Variants in ZNF804B observed in about 807,000 individuals in gnomAD.
ZNF804B encodes zinc finger protein 804B.
ZNF804B carries 80 observed loss-of-function variants against 101.4 expected under a neutral mutation model. That is an observed-to-expected ratio of 0.79 (90% CI 0.66 to 0.95). The LOEUF is 0.95. Among genes scored for constraint, ZNF804B ranks in the 40% least tolerant of loss-of-function variants. ZNF804B has a pLI of 0.00. For missense variants in ZNF804B, 1,673 were observed against 1,561.9 expected (o/e 1.07, Z -1.20); for synonymous variants, 622 against 558.8 (o/e 1.11, Z -1.59).
intron 1 of ZNF804B, among the ~76,000 whole-genome samples, chr7:89,093,722 C>CCA (rs1789929293): frequency 6.6e-6 from 1 of 152,226 alleles, no homozygotes; most frequent in Non-Finnish European, 1.5e-5. Context: ...GTCCATGTGT[C>CCA]TGAAGGAACT....
intron 1 of ZNF804B, among the ~76,000 whole-genome samples, chr7:89,211,929 T>A (rs904595147): frequency 2.0e-5 from 3 of 152,158 alleles, no homozygotes. Flanking sequence ...GTAAATTACT[T>A]TGAGCAGTAT....
chr7:89,145,244 T>G (rs548263410), intron 1 of ZNF804B, among the ~76,000 whole-genome samples: 1 of 152,018 alleles, frequency 6.6e-6, no homozygotes, highest in Non-Finnish European at 1.5e-5. Context: ...TAAAAAATAT[T>G]GCCAATTAAC....
At chr7:88,955,100 A>T (rs899839944) in intron 1 of ZNF804B, among the ~76,000 whole-genome samples, 1 of 24,640 alleles carries the variant, frequency 4.1e-5, no homozygotes, top group Non-Finnish European at 1.1e-4. Flanking sequence ...TCTCTATTTA[A>T]AAAAAAAAAA....
intron 2 of ZNF804B, among the ~76,000 whole-genome samples, chr7:89,250,197 A>AT (rs1008525309): frequency 1.3e-5 from 2 of 151,950 alleles, no homozygotes; most frequent in African/African-American, 4.8e-5. Context: ...ATTAAAAAAA[A>AT]ATATAGGTAA....
At chr7:88,849,115 A>G (rs912156258) in intron 1 of ZNF804B, among the ~76,000 whole-genome samples, 2 of 152,088 alleles carry the variant, frequency 1.3e-5, no homozygotes, top group African/African-American at 4.8e-5. Flanking sequence ...GAAACGTGCT[A>G]TTACGTTTCC....
intron 2 of ZNF804B, among the ~76,000 whole-genome samples, chr7:89,316,019 G>T (rs958439279): frequency 8.5e-5 from 13 of 152,138 alleles, no homozygotes; most frequent in African/African-American, 3.1e-4. Flanking sequence ...GTGTGTGTCT[G>T]TGTATGCATG....
chr7:89,273,798 A>G (rs1471663849), intron 2 of ZNF804B, among the ~76,000 whole-genome samples: 4 of 152,136 alleles, frequency 2.6e-5, no homozygotes, highest in Admixed American at 1.3e-4. Context: ...CTCATTTCCT[A>G]GGCCATCAGC....
At chr7:89,027,313 CTA>C (rs1788766221) in intron 1 of ZNF804B, among the ~76,000 whole-genome samples, 1 of 152,018 alleles carries the variant, frequency 6.6e-6, no homozygotes, top group Non-Finnish European at 1.5e-5. Context: ...GTCCTTAAAG[CTA>C]GCTCTCTGAG....
chr7:89,080,810 G>A (rs1193182456), intron 1 of ZNF804B, among the ~76,000 whole-genome samples: 1 of 151,882 alleles, frequency 6.6e-6, no homozygotes, highest in African/African-American at 2.4e-5. Context: ...AGTTAAAGCA[G>A]GGTGTTTTGA....
rs1172564787 is a variant in ZNF804B at position 89,335,608 on chromosome 7, G to A, written c.2626G>A (p.Gly876Ser). The A allele has an allele frequency of 1.2e-6, 2 of 1,613,740 alleles. No individual in the cohort carries two copies. Among genetic ancestry groups the A allele is most frequent in the Non-Finnish European group, 1.7e-6 (2 of 1,179,940 alleles). The stretch of plus-strand genomic sequence containing the variant: ...AAGCAAGAGAAATCAAGAGTCTTTG[G>A]GCAGCCCTCACATTTGTGATCTGGG... ...NKSKRNQESLGSPHICDLGKV... is the reference protein window; with the variant it reads ...NKSKRNQESLSSPHICDLGKV... Residue 876 changes from glycine to serine, a missense_variant, in exon 4 of 4, where the codon GGC becomes AGC. By Grantham distance (56) the Gly-to-Ser change is moderately conservative (BLOSUM62 0). Transcript: ENST00000333190.
chr7:89,252,071 C>G (rs1000251929), intron 2 of ZNF804B, among the ~76,000 whole-genome samples: 1 of 151,670 alleles, frequency 6.6e-6, no homozygotes, highest in African/African-American at 2.4e-5. Context: ...CTATTTAACT[C>G]AAGAGCTTCT....
At chr7:89,085,230 C>T (rs751735700) in intron 1 of ZNF804B, among the ~76,000 whole-genome samples, 3 of 151,892 alleles carry the variant, frequency 2.0e-5, no homozygotes, top group Non-Finnish European at 4.4e-5. Flanking sequence ...AGATTTTCTA[C>T]TTTCTTCCCT....
rs1393967014 is a variant in ZNF804B at position 88,925,382 on chromosome 7, A to G, written c.108+165298A>G. Among the ~76,000 whole-genome samples the G allele has an allele frequency of 4.6e-5, 7 of 152,164 alleles. No individual in the cohort carries two copies. In the East Asian group the frequency reaches 1.2e-3, roughly 25 times the overall value. On this transcript the variant is annotated intron_variant, in intron 1 of 3. Coordinates refer to ENST00000333190, the MANE Select transcript of ZNF804B (RefSeq NM_181646.5). ...ACTTCAAAAAGTAACCATTTTGAAGATAAGATCTCTAAATAGGCGACTACA... is the reference window on the plus strand; with the variant it reads ...ACTTCAAAAAGTAACCATTTTGAAGGTAAGATCTCTAAATAGGCGACTACA...
chr7:89,085,806 G>C (rs1260542709), intron 1 of ZNF804B, among the ~76,000 whole-genome samples: 1 of 151,906 alleles, frequency 6.6e-6, no homozygotes, highest in Admixed American at 6.6e-5. Context: ...CATTTCATTA[G>C]AATGGCTTTA....
chr7:89,285,522 CAAAAA>C (rs778078214), intron 2 of ZNF804B, among the ~76,000 whole-genome samples: 9 of 22,392 alleles, frequency 4.0e-4, no homozygotes, highest in South Asian at 2.2e-3. Context: ...GACTCTGTCT[CAAAAA>C]AAAAAAAAAA....
intron 1 of ZNF804B, among the ~76,000 whole-genome samples, chr7:88,901,971 A>G (rs189752530): frequency 6.6e-6 from 1 of 152,042 alleles, no homozygotes; most frequent in Admixed American, 6.5e-5. Context: ...CTCTTATAAA[A>G]TGTGATTAGA....
At chr7:88,805,478 C>G (rs1790670257) in intron 1 of ZNF804B, among the ~76,000 whole-genome samples, 1 of 152,106 alleles carries the variant, frequency 6.6e-6, no homozygotes, top group Non-Finnish European at 1.5e-5. Flanking sequence ...ATTTAAAGCC[C>G]TTTGTCCATT....
intron 1 of ZNF804B, among the ~76,000 whole-genome samples, chr7:88,833,430 A>G (rs1395821674): frequency 6.6e-6 from 1 of 151,880 alleles, no homozygotes; most frequent in Non-Finnish European, 1.5e-5. Context: ...TAGCTCTTAC[A>G]AAAAAGTCAA....
chr7:88,948,144 A>G (rs1247789653), intron 1 of ZNF804B, among the ~76,000 whole-genome samples: 1 of 151,748 alleles, frequency 6.6e-6, no homozygotes, highest in Non-Finnish European at 1.5e-5. Context: ...GGAGATGGGG[A>G]CTTCCCAGAG....
Sources: allele counts gnomAD v4.1 joint callset (sites outside exome capture counted in the v4.1 genomes callset), GRCh38; gene constraint gnomAD v4.1.1; transcripts MANE v1.5; gene names NCBI Gene and HGNC (gene_info 2026-07-23, HGNC 2026-07-21).